Variants in TBC1D5 observed in about 807,000 individuals in gnomAD.
The protein encoded by TBC1D5 is TBC1 domain family member 5, also known as TBC1 domain family, member 5.
In TBC1D5, 75 loss-of-function variants were observed where a neutral mutation model predicts 100.3. The observed-to-expected ratio is 0.75, with a 90% CI of 0.62 to 0.91. The LOEUF (loss-of-function observed/expected upper bound fraction) is 0.91, where lower values mean the gene tolerates loss of function less well. Among genes scored for constraint, TBC1D5 ranks in the 40% least tolerant of loss-of-function variants. The pLI, the probability that TBC1D5 is intolerant of heterozygous loss-of-function variation, is 0.00. For synonymous variants in TBC1D5, 323 were observed against 325.6 expected (o/e 0.99, Z 0.09); for missense variants, 910 against 942.4 (o/e 0.97, Z 0.45).
chr3:17,329,267 T>C (rs968724638), intron 13 of TBC1D5, among the ~76,000 whole-genome samples: 8 of 152,234 alleles, frequency 5.3e-5, no homozygotes, highest in Non-Finnish European at 1.0e-4. Flanking sequence ...CCAACATGAA[T>C]GGGTTTATAT....
intron 7 of TBC1D5, among the ~76,000 whole-genome samples, 168 bp from the exon 8 acceptor site, chr3:17,403,416 C>G (rs1432283597): frequency 6.6e-6 from 1 of 152,018 alleles, no homozygotes; most frequent in Admixed American, 6.6e-5. Flanking sequence ...CTAATTTAAT[C>G]TCAGAAACAC....
intron 21 of TBC1D5, 27 bp from the exon 23 acceptor site, chr3:17,161,283 T>C: frequency 6.3e-7 from 1 of 1,576,718 alleles, no homozygotes; most frequent in Non-Finnish European, 8.6e-7. Context: ...GAAGTACAGG[T>C]GGATGAAAGA....
intron 9 of TBC1D5, among the ~76,000 whole-genome samples, 169 bp downstream of exon 9, chr3:17,383,744 T>C (rs1435751175): frequency 6.7e-6 from 1 of 149,852 alleles, no homozygotes; most frequent in East Asian, 1.9e-4. Flanking sequence ...CATATGTGCT[T>C]CAATGAGCTT....
chr3:17,231,397 A>C (rs2075404214), intron 17 of TBC1D5, among the ~76,000 whole-genome samples: 1 of 152,056 alleles, frequency 6.6e-6, no homozygotes, highest in Admixed American at 6.6e-5. Context: ...TATTGATCTA[A>C]ATTATGGAAT....
At chr3:17,665,099 C>T (rs1254077889) in intron 1 of TBC1D5, 1 of 148,682 alleles carries the variant, frequency 6.7e-6, no homozygotes, top group Admixed American at 6.7e-5. Flanking sequence ...GGAAGCATCT[C>T]AGTGGCAGGT....
chr3:17,402,418 T>C (rs1182416135), intron 8 of TBC1D5, among the ~76,000 whole-genome samples: 1 of 152,136 alleles, frequency 6.6e-6, no homozygotes, highest in East Asian at 1.9e-4. Context: ...TACTAACATT[T>C]ATATAATGAT....
chr3:17,497,305 T>C (rs2095724392), intron 3 of TBC1D5, among the ~76,000 whole-genome samples: 1 of 152,212 alleles, frequency 6.6e-6, no homozygotes, highest in Admixed American at 6.5e-5. Context: ...TCTCTGATTT[T>C]CTTATTTCTG....
intron 21 of TBC1D5, among the ~76,000 whole-genome samples, chr3:17,161,898 G>A (rs997031838): frequency 2.6e-5 from 4 of 152,142 alleles, no homozygotes; most frequent in African/African-American, 7.2e-5. Context: ...GTAACCGGTA[G>A]GTTCTACAAA....
rs1332596319 is a variant in TBC1D5, at chr3:17,186,351, T to C, written c.1753-1143A>G. The stretch of plus-strand genomic sequence containing the variant: ...TATGTACATGCAGCACTGCAAATTA[T>C]TGTTTTTAACTGCTGCCTGAAGAAC... On this transcript the variant is annotated intron_variant, in intron 18 of 21. Coordinates refer to ENST00000253692, the Ensembl canonical transcript of TBC1D5. Among the ~76,000 whole-genome samples the C allele has an allele frequency of 3.3e-5, 5 of 152,226 alleles. No homozygotes were observed. In the South Asian group the frequency reaches 1.0e-3, roughly 31 times the overall value.
intron 2 of TBC1D5, among the ~76,000 whole-genome samples, chr3:17,619,329 G>A (rs2062455677): frequency 6.6e-6 from 1 of 152,114 alleles, no homozygotes; most frequent in Non-Finnish European, 1.5e-5. Context: ...AAATAGATAT[G>A]AGGGGACTAT....
intron 1 of TBC1D5, among the ~76,000 whole-genome samples, chr3:17,724,934 A>C (rs1461427827): frequency 6.6e-6 from 1 of 151,908 alleles, no homozygotes; most frequent in Non-Finnish European, 1.5e-5. Flanking sequence ...ACTACACCCA[A>C]CTTTTTCATT....
chr3:17,424,910 TC>T (rs2094301696), intron 4 of TBC1D5, among the ~76,000 whole-genome samples: 1 of 152,204 alleles, frequency 6.6e-6, no homozygotes, highest in South Asian at 2.1e-4. Context: ...TAAAACATCT[TC>T]CTTTCATCTA....
chr3:17,655,077 G>A (rs2065929264), intron 1 of TBC1D5, among the ~76,000 whole-genome samples: 1 of 151,020 alleles, frequency 6.6e-6, no homozygotes, highest in Non-Finnish European at 1.5e-5. Context: ...CTTGCTAGCG[G>A]TCTATCAATT....
intron 3 of TBC1D5, among the ~76,000 whole-genome samples, chr3:17,474,701 G>A (rs2095417937): frequency 6.6e-6 from 1 of 151,968 alleles, no homozygotes; most frequent in Non-Finnish European, 1.5e-5. Flanking sequence ...CATTGACATC[G>A]AAAGTAAAAA....
chr3:17,631,918 C>T (rs1254983449), intron 1 of TBC1D5, among the ~76,000 whole-genome samples: 1 of 152,184 alleles, frequency 6.6e-6, no homozygotes, highest in Non-Finnish European at 1.5e-5. Flanking sequence ...TTCATGCTTG[C>T]TAATATAATA....
chr3:17,320,332 C>T (rs1289122403), intron 13 of TBC1D5, among the ~76,000 whole-genome samples: 1 of 152,212 alleles, frequency 6.6e-6, no homozygotes, highest in Admixed American at 6.5e-5. Flanking sequence ...AATTCTTGAA[C>T]CCCACTCACT....
intron 1 of TBC1D5, among the ~76,000 whole-genome samples, chr3:17,637,380 C>A (rs1005222783): frequency 2.0e-5 from 3 of 150,850 alleles, no homozygotes; most frequent in African/African-American, 7.3e-5. Context: ...ATTTTTATAA[C>A]CTTGGAATGT....
chr3:17,626,006 C>T (rs971593007), intron 1 of TBC1D5, among the ~76,000 whole-genome samples: 12 of 152,142 alleles, frequency 7.9e-5, no homozygotes, highest in African/African-American at 2.9e-4. Context: ...ATTAATCATT[C>T]TTTCCATTAT....
intron 1 of TBC1D5, among the ~76,000 whole-genome samples, chr3:17,696,085 G>A (rs573131423): frequency 1.2e-4 from 18 of 152,248 alleles, no homozygotes; most frequent in South Asian, 1.0e-3. Flanking sequence ...GAATCTCTGG[G>A]ACATATTTAA....
Sources: gnomAD v4.1 joint callset for allele counts (sites outside exome capture counted in the v4.1 genomes callset) on GRCh38, gnomAD v4.1.1 for gene constraint, MANE v1.5 for transcripts, NCBI Gene and HGNC (gene_info 2026-07-23, HGNC 2026-07-21) for gene names.